ANKRD31: variants seen among roughly 807,000 people sequenced by gnomAD.
The protein encoded by ANKRD31 is ankyrin repeat domain-containing protein 31.
Under a neutral mutation model 186.0 loss-of-function variants are expected in ANKRD31, and 147 were observed. The observed-to-expected ratio is 0.79, with a 90% confidence interval of 0.69 to 0.91. ANKRD31 has a LOEUF of 0.91. Ranked by LOEUF, ANKRD31 falls within the 40% of genes least tolerant of loss-of-function variation. The probability of loss-of-function intolerance (pLI) is 0.00; values close to 1 mark genes in which losing one functional copy is unlikely to be tolerated. For synonymous variants in ANKRD31, 673 were observed against 736.4 expected (o/e 0.91, Z 1.39); for missense variants, 1,986 against 2,148.8 (o/e 0.92, Z 1.50).
At chr5:75,150,594 C>T (rs1751773806) in intron 12 of ANKRD31, among the ~76,000 whole-genome samples, 1 of 151,896 alleles carries the variant, frequency 6.6e-6, no homozygotes. Context: ...AGAGTGGGAG[C>T]TTAGTCCTAT....
At chr5:75,119,418 G>T (rs553344655) in intron 17 of ANKRD31, among the ~76,000 whole-genome samples, 10 of 152,288 alleles carry the variant, frequency 6.6e-5, no homozygotes, top group African/African-American at 2.4e-4. Flanking sequence ...CCATGTTGCT[G>T]CAAAGGACAT....
intron 23 of ANKRD31, among the ~76,000 whole-genome samples, chr5:75,089,770 T>A (rs1232388070): frequency 6.6e-6 from 1 of 152,246 alleles, no homozygotes; most frequent in Non-Finnish European, 1.5e-5. Flanking sequence ...TGCCCTACTT[T>A]TAGTGCCCAC....
intron 17 of ANKRD31, among the ~76,000 whole-genome samples, chr5:75,135,087 T>C (rs951333715): frequency 6.6e-6 from 1 of 152,110 alleles, no homozygotes; most frequent in African/African-American, 2.4e-5. Context: ...ACTGGAAGCA[T>C]TCCCTTTGAA....
chr5:75,157,482 A>T (rs982044464), intron 11 of ANKRD31, among the ~76,000 whole-genome samples: 1 of 152,226 alleles, frequency 6.6e-6, no homozygotes, highest in African/African-American at 2.4e-5. Flanking sequence ...TGATTTGGGA[A>T]ATTCTGTCCA....
chr5:75,197,855 T>C (rs531698263), intron 6 of ANKRD31, among the ~76,000 whole-genome samples: 4 of 152,272 alleles, frequency 2.6e-5, no homozygotes, highest in Non-Finnish European at 5.9e-5. Flanking sequence ...TATCAAGCAG[T>C]TGCATTTATA....
intron 10 of ANKRD31, among the ~76,000 whole-genome samples, chr5:75,180,749 C>T (rs1256861368): frequency 1.3e-5 from 2 of 152,136 alleles, no homozygotes; most frequent in African/African-American, 4.8e-5. Context: ...GGATTGAAGA[C>T]TTACATGTTA....
Position 75,082,930 on chromosome 5 carries a change from T to C in ANKRD31, c.5575+1342A>G, listed in dbSNP as rs771272160. Among the ~76,000 whole-genome samples, 52 of 152,314 alleles carry C rather than the reference T, an allele frequency of 3.4e-4. No individual in the cohort carries two copies. The Middle Eastern group carries it at 0.014, about 40-fold the overall frequency. On this transcript the variant is annotated intron_variant, in intron 24 of 25. Transcript: ENST00000506364. ...CTGCTGGGAATGCAAAATGATTCAGTTGCTATGGAAAACAGATTCGCTGTG... is the reference window on the plus strand; with the variant it reads ...CTGCTGGGAATGCAAAATGATTCAGCTGCTATGGAAAACAGATTCGCTGTG...
chr5:75,111,819 A>G (rs1561432824), intron 20 of ANKRD31, among the ~76,000 whole-genome samples: 1 of 152,348 alleles, frequency 6.6e-6, no homozygotes, highest in East Asian at 1.9e-4. Flanking sequence ...AAACAGGAAG[A>G]TATCTTTGCA....
At chr5:75,203,031 C>A (rs1755915814) in intron 5 of ANKRD31, among the ~76,000 whole-genome samples, 1 of 152,194 alleles carries the variant, frequency 6.6e-6, no homozygotes, top group African/African-American at 2.4e-5. Context: ...ATTGCCACTT[C>A]AAATTCCTGG....
intron 10 of ANKRD31, among the ~76,000 whole-genome samples, chr5:75,177,254 T>C (rs1158776821): frequency 6.6e-6 from 1 of 152,122 alleles, no homozygotes; most frequent in Non-Finnish European, 1.5e-5. Context: ...AATCTACGTC[T>C]AATTGCCGTA....
chr5:75,227,691 C>T (rs994093452), intron 2 of ANKRD31, among the ~76,000 whole-genome samples: 1 of 152,162 alleles, frequency 6.6e-6, no homozygotes, highest in African/African-American at 2.4e-5. Flanking sequence ...TTTCTTTATT[C>T]TTTCATTTTC....
intron 22 of ANKRD31, among the ~76,000 whole-genome samples, chr5:75,093,509 C>A (rs1485173254): frequency 6.6e-6 from 1 of 151,600 alleles, no homozygotes; most frequent in African/African-American, 2.4e-5. Flanking sequence ...ACAAAAAAAA[C>A]TTACCAAACT....
chr5:75,102,566 G>A (rs2150053251), intron 22 of ANKRD31, among the ~76,000 whole-genome samples: 1 of 152,342 alleles, frequency 6.6e-6, no homozygotes, highest in East Asian at 1.9e-4. Flanking sequence ...TCCTTGAGCT[G>A]TGGTGGCCTC....
intron 10 of ANKRD31, among the ~76,000 whole-genome samples, chr5:75,177,088 A>G (rs1201465080): frequency 1.3e-5 from 2 of 152,240 alleles, no homozygotes; most frequent in East Asian, 1.9e-4. Context: ...TGACAAATGC[A>G]CAAGCCTCAG....
intron 5 of ANKRD31, among the ~76,000 whole-genome samples, chr5:75,200,643 T>C (rs1755761849): frequency 6.6e-6 from 1 of 150,854 alleles, no homozygotes; most frequent in Non-Finnish European, 1.5e-5. Flanking sequence ...CCAGGCACAG[T>C]GGCTCACGCC....
At chr5:75,077,678 C>A (rs927106816) in intron 25 of ANKRD31, among the ~76,000 whole-genome samples, 2 of 152,004 alleles carry the variant, frequency 1.3e-5, no homozygotes, top group Non-Finnish European at 2.9e-5. Flanking sequence ...GTAATCCCAG[C>A]ACTTTGGGAG....
chr5:75,179,592 A>G (rs940881059), intron 10 of ANKRD31, among the ~76,000 whole-genome samples: 9 of 152,228 alleles, frequency 5.9e-5, no homozygotes, highest in Non-Finnish European at 1.2e-4. Context: ...ATGAAAATCA[A>G]TAAACGTAAT....
At chr5:75,236,525 GGGCACCT>G (rs1758285478) in intron 1 of ANKRD31, 51 bp downstream of exon 1, 1 of 1,443,850 alleles carries the variant, frequency 6.9e-7, no homozygotes, top group Admixed American at 2.1e-5. Context: ...CCCCCTCAGA[GGGCACCT>G]GGGCCGCCCT....
intron 17 of ANKRD31, among the ~76,000 whole-genome samples, chr5:75,119,579 TG>T (rs1199209994): frequency 7.9e-5 from 12 of 152,250 alleles, no homozygotes; most frequent in Admixed American, 7.9e-4. Context: ...TATGTCTTTT[TG>T]GTAGAACAAT....
Sources: gnomAD v4.1 joint callset for allele counts (sites outside exome capture counted in the v4.1 genomes callset) on GRCh38, gnomAD v4.1.1 for gene constraint, MANE v1.5 for transcripts, NCBI Gene and HGNC (gene_info 2026-07-23, HGNC 2026-07-21) for gene names.